Variants in RERG observed in about 807,000 individuals in gnomAD.
The protein encoded by RERG is ras-related and estrogen-regulated growth inhibitor.
In RERG, 25 loss-of-function variants were observed where a neutral mutation model predicts 23.2. The observed-to-expected ratio is 1.08, with a 90% CI of 0.79 to 1.50. The LOEUF is 1.50. Ranked by LOEUF, RERG falls within the 40% of genes most tolerant of loss-of-function variation. The probability of loss-of-function intolerance (pLI) is 0.00; values close to 1 mark genes in which losing one functional copy is unlikely to be tolerated. For missense variants in RERG, 253 were observed against 250.1 expected, an observed-to-expected ratio of 1.01 and a Z score of -0.08; for synonymous variants, 81 against 89.1, an observed-to-expected ratio of 0.91 and a Z score of 0.51.
chr12:15,205,315 G>A (rs1249345205), intron 2 of RERG, among the ~76,000 whole-genome samples: 1 of 151,996 alleles, frequency 6.6e-6, no homozygotes. Flanking sequence ...TAGGAACACA[G>A]TAGGATTTTC....
intron 3 of RERG, among the ~76,000 whole-genome samples, chr12:15,120,341 A>G (rs1863808497): frequency 6.6e-6 from 1 of 152,148 alleles, no homozygotes; most frequent in African/African-American, 2.4e-5. Flanking sequence ...CTCTTTCTGT[A>G]TACTGATTTA....
intron 2 of RERG, among the ~76,000 whole-genome samples, chr12:15,216,893 G>A (rs889949690): frequency 2.0e-5 from 3 of 152,160 alleles, no homozygotes; most frequent in African/African-American, 4.8e-5. Flanking sequence ...AGAGGCATTC[G>A]CAATAGCTAT....
At chr12:15,169,645 T>A (rs999005042) in intron 2 of RERG, among the ~76,000 whole-genome samples, 3 of 152,220 alleles carry the variant, frequency 2.0e-5, no homozygotes, top group Non-Finnish European at 2.9e-5. Context: ...CAGTTCCTTA[T>A]AATAAATCTA....
At position 15,109,292 on chromosome 12, in the gene RERG, A is replaced by G. The variant is rs1284876344; in HGVS notation, c.418T>C (p.Leu140=). Residue 140 remains leucine, a synonymous_variant, in exon 5 of 5, where the codon TTG becomes CTG. Coordinates refer to ENST00000256953, the MANE Select transcript of RERG (RefSeq NM_032918.3). Reference sequence around the variant, plus strand: ...GAGCACTCGTAAAAAGCACAAGCCAATTCTGTGGCCAGCTTCTCTCCTTCT... The same window carrying G: ...GAGCACTCGTAAAAAGCACAAGCCAGTTCTGTGGCCAGCTTCTCTCCTTCT... ...TEEGEKLATE[L]ACAFYECSAC... 2 of 1,614,032 alleles carry G rather than the reference A, an allele frequency of 1.2e-6. No individual in the cohort carries two copies. The highest frequency in any genetic ancestry group is 2.7e-5 in the African/African-American group (2 of 74,910).
At chr12:15,136,461 C>T (rs2136099126) in intron 2 of RERG, among the ~76,000 whole-genome samples, 1 of 151,948 alleles carries the variant, frequency 6.6e-6, no homozygotes, top group Non-Finnish European at 1.5e-5. Flanking sequence ...TCTTCTATTT[C>T]TAGTTTCCTA....
chr12:15,110,088 T>C (rs1863577535), intron 4 of RERG, among the ~76,000 whole-genome samples: 1 of 152,192 alleles, frequency 6.6e-6, no homozygotes, highest in African/African-American at 2.4e-5. Context: ...GCTTTTTTTT[T>C]CTTTTCCTAT....
chr12:15,207,663 A>G (rs1041877078), intron 2 of RERG, among the ~76,000 whole-genome samples: 4 of 152,222 alleles, frequency 2.6e-5, no homozygotes, highest in Admixed American at 2.0e-4. Context: ...CATGGAGTGC[A>G]TTGTAGAGCG....
intron 2 of RERG, among the ~76,000 whole-genome samples, chr12:15,203,833 A>G (rs540053432): frequency 6.6e-6 from 1 of 151,686 alleles, no homozygotes; most frequent in Non-Finnish European, 1.5e-5. Flanking sequence ...AAAAAGAATA[A>G]AAAACTTGGG....
intron 2 of RERG, chr12:15,154,331 T>A (rs1864489557): frequency 6.6e-6 from 1 of 152,228 alleles, no homozygotes; most frequent in Admixed American, 6.5e-5. Flanking sequence ...CATACTGCCA[T>A]CCACGTAAGG....
Position 15,158,668 on chromosome 12 carries a change from T to C in RERG, c.62-37549A>G, listed in dbSNP as rs1016575047. On this transcript the variant is annotated intron_variant, in intron 2 of 4. Transcript: ENST00000256953. ...AGAGTACACAGTTTTTCAAGAGAGATAGACTAAAATGTCCCTCAGTTGTCT... is the reference window on the plus strand; with the variant it reads ...AGAGTACACAGTTTTTCAAGAGAGACAGACTAAAATGTCCCTCAGTTGTCT... 2.6e-5 allele frequency among the ~76,000 whole-genome samples: 4 copies of C among 152,250 alleles called. No homozygotes were observed. In the East Asian group the frequency reaches 7.7e-4, roughly 29 times the overall value.
chr12:15,109,136 TG>T lies in RERG; in HGVS notation c.573del (p.Asn191LysfsTer14), dbSNP rs1298451182. The T allele has an allele frequency of 1.8e-5, 28 of 1,598,792 alleles. No homozygotes were observed. The highest frequency in any genetic ancestry group is 2.3e-5 in the Non-Finnish European group (27 of 1,173,054). ...SSTTHVKQAI[N>X]KMLTKISS Reference sequence around the variant, plus strand: ...TAACTACTGATTTTGGTGAGCATCTTGTTAATGGCTTGCTTGACATGCGTGG... The same window carrying T: ...TAACTACTGATTTTGGTGAGCATCTTTTAATGGCTTGCTTGACATGCGTGG... On this transcript the variant is annotated frameshift_variant, in exon 5 of 5. Transcript: ENST00000256953. LOFTEE classifies it high-confidence loss of function.
chr12:15,214,604 G>C (rs763321060), intron 2 of RERG, among the ~76,000 whole-genome samples: 3 of 152,214 alleles, frequency 2.0e-5, no homozygotes, highest in Non-Finnish European at 2.9e-5. Context: ...GTGATACAAT[G>C]ATGAGGCAGA....
At chr12:15,189,473 T>C (rs1292923097) in intron 2 of RERG, among the ~76,000 whole-genome samples, 1 of 152,198 alleles carries the variant, frequency 6.6e-6, no homozygotes, top group East Asian at 1.9e-4. Context: ...CTCGCTGAAA[T>C]ATTCTGGTTA....
chr12:15,217,356 T>C, intron 2 of RERG, 73 bp downstream of exon 2: 2 of 1,003,996 alleles, frequency 2.0e-6, no homozygotes, highest in South Asian at 2.6e-5. Context: ...ACCTGCCCAA[T>C]CCCAAGAAAC....
At chr12:15,219,097 T>C (rs550830870) in intron 1 of RERG, among the ~76,000 whole-genome samples, 2 of 152,314 alleles carry the variant, frequency 1.3e-5, no homozygotes, top group South Asian at 4.1e-4. Context: ...CACAGCACTT[T>C]TACCCGTGTT....
intron 2 of RERG, among the ~76,000 whole-genome samples, chr12:15,188,884 G>A (rs146731265): frequency 5.9e-5 from 9 of 152,128 alleles, no homozygotes; most frequent in African/African-American, 1.4e-4. Flanking sequence ...TGCCTCAGAC[G>A]CCCACGCACT....
chr12:15,166,305 G>C (rs1327174978), intron 2 of RERG, among the ~76,000 whole-genome samples: 1 of 152,124 alleles, frequency 6.6e-6, no homozygotes, highest in African/African-American at 2.4e-5. Context: ...AGATTCTTTA[G>C]AACTAGAACA....
At chr12:15,132,763 C>A (rs1864071433) in intron 2 of RERG, among the ~76,000 whole-genome samples, 1 of 151,904 alleles carries the variant, frequency 6.6e-6, no homozygotes. Context: ...GTATTGGTGT[C>A]TTGTTGTTTT....
chr12:15,135,433 T>C (rs1864128103), intron 2 of RERG, among the ~76,000 whole-genome samples: 1 of 152,216 alleles, frequency 6.6e-6, no homozygotes, highest in Admixed American at 6.5e-5. Flanking sequence ...AGACAAGCAT[T>C]ATGATGTCAA....
Sources: gnomAD v4.1 joint callset for allele counts (sites outside exome capture counted in the v4.1 genomes callset) on GRCh38, gnomAD v4.1.1 for gene constraint, MANE v1.5 for transcripts, NCBI Gene and HGNC (gene_info 2026-07-23, HGNC 2026-07-21) for gene names.